The following CRY1 variants were observed in gnomAD, a reference collection of about 807,000 sequenced individuals.
CRY1 encodes cryptochrome-1.
In CRY1, 45 loss-of-function variants were observed where a neutral mutation model predicts 76.0. That is an observed-to-expected ratio of 0.59 (90% confidence interval 0.47 to 0.76). The LOEUF is 0.76. CRY1 is among the 30% of genes least tolerant of loss of function. The probability of loss-of-function intolerance (pLI) is 0.00; values close to 1 mark genes in which losing one functional copy is unlikely to be tolerated. For missense variants in CRY1, 587 were observed against 716.4 expected, an observed-to-expected ratio of 0.82 and a Z score of 2.06; for synonymous variants, 248 against 244.0, an observed-to-expected ratio of 1.02 and a Z score of -0.15.
At chr12:107,069,743 GTATATA>G (rs911017445) in intron 1 of CRY1, among the ~76,000 whole-genome samples, 3 of 144,348 alleles carry the variant, frequency 2.1e-5, no homozygotes, top group Non-Finnish European at 4.5e-5. Context: ...TATATATTAA[GTATATA>G]TATAAAGTAT....
rs774316934 is a variant in CRY1, at chr12:106,999,992, A to C, written c.775T>G (p.Cys259Gly). The C allele has an allele frequency of 1.9e-6, 3 of 1,613,134 alleles. No individual in the cohort carries two copies. The highest frequency in any genetic ancestry group is 1.1e-5 in the South Asian group (1 of 90,558). The change falls in exon 6 of 13, where the codon TGT becomes GGT. Residue 259 changes from cysteine to glycine, a missense_variant. By Grantham distance (159) the Cys-to-Gly change is radical (BLOSUM62 -3). Transcript: ENST00000008527. ...AAGTAAAACAGTCGACATGACAAAC[A>C]ACCAAATCGGAGATAAGGACTAAGT... ...TGLSPYLRFGCLSCRLFYFKL... is the reference protein window; with the variant it reads ...TGLSPYLRFGGLSCRLFYFKL...
intron 1 of CRY1, among the ~76,000 whole-genome samples, chr12:107,092,551 G>T (rs1953484413): frequency 6.6e-6 from 1 of 152,196 alleles, no homozygotes; most frequent in Admixed American, 6.5e-5. Context: ...CACAAATTCA[G>T]GGGAGGAGCT....
At chr12:107,060,544 A>C (rs1412985051) in intron 1 of CRY1, among the ~76,000 whole-genome samples, 1 of 152,238 alleles carries the variant, frequency 6.6e-6, no homozygotes. Flanking sequence ...CAACAGACTA[A>C]GATAGTATTA....
At chr12:107,035,860 C>T (rs1004119467) in intron 1 of CRY1, among the ~76,000 whole-genome samples, 1 of 152,236 alleles carries the variant, frequency 6.6e-6, no homozygotes, top group Non-Finnish European at 1.5e-5. Context: ...CTTCCAATCT[C>T]ATTTAATTCC....
chr12:107,011,342 T>C (rs1472804314), intron 2 of CRY1, among the ~76,000 whole-genome samples: 1 of 143,780 alleles, frequency 7.0e-6, no homozygotes, highest in Non-Finnish European at 1.5e-5. Context: ...AGGGCAAGAC[T>C]CTGTCTCAAA....
intron 2 of CRY1, among the ~76,000 whole-genome samples, chr12:107,013,669 G>C (rs1031819927): frequency 6.6e-6 from 1 of 152,126 alleles, no homozygotes; most frequent in African/African-American, 2.4e-5. Flanking sequence ...ACTTCAGTAT[G>C]GTAGGTAGTA....
intron 1 of CRY1, among the ~76,000 whole-genome samples, chr12:107,080,107 C>G (rs1953304502): frequency 6.6e-6 from 1 of 152,046 alleles, no homozygotes; most frequent in African/African-American, 2.4e-5. Context: ...TCCCTGAGGG[C>G]AGAGAAATTA....
intron 1 of CRY1, among the ~76,000 whole-genome samples, chr12:107,048,913 A>AT (rs1952881938): frequency 6.6e-6 from 1 of 152,040 alleles, no homozygotes; most frequent in Non-Finnish European, 1.5e-5. Context: ...GGTTTCAGTC[A>AT]TTTTTTGTCT....
chr12:106,997,252 C>G (rs767130736), intron 10 of CRY1, 42 bp downstream of exon 10: 3 of 1,476,196 alleles, frequency 2.0e-6, no homozygotes, highest in Non-Finnish European at 2.8e-6. Context: ...TGTTTAATAA[C>G]CTCTTCATGT....
intron 2 of CRY1, among the ~76,000 whole-genome samples, chr12:107,007,326 C>T (rs1292540654): frequency 6.6e-6 from 1 of 152,060 alleles, no homozygotes; most frequent in Admixed American, 6.6e-5. Flanking sequence ...GTTTCCTAGT[C>T]TATAAAATGG....
chr12:107,091,904 A>G (rs953876769), intron 1 of CRY1, among the ~76,000 whole-genome samples: 12 of 152,182 alleles, frequency 7.9e-5, no homozygotes, highest in African/African-American at 2.7e-4. Flanking sequence ...GATCATACTT[A>G]AAATTGCAAC....
chr12:107,072,208 C>G (rs181201793), intron 1 of CRY1, among the ~76,000 whole-genome samples: 1 of 152,298 alleles, frequency 6.6e-6, no homozygotes, highest in Non-Finnish European at 1.5e-5. Flanking sequence ...TTTTTTATGA[C>G]TACTCAGTGC....
At position 107,052,918 on chromosome 12, in the gene CRY1, G is replaced by C. The variant is rs989653758; in HGVS notation, c.159-30726C>G. On this transcript the variant is annotated intron_variant, in intron 1 of 12. Coordinates refer to ENST00000008527, the MANE Select transcript of CRY1 (RefSeq NM_004075.5). ...TTACTCTGAGATATAAGCCACTAGA[G>C]ATTGATCCTACTTGTGATTATGAAG... Among the ~76,000 whole-genome samples, 4 of 152,222 alleles carry C rather than the reference G, an allele frequency of 2.6e-5. No individual in the cohort carries two copies. In the East Asian group the frequency reaches 7.7e-4, roughly 29 times the overall value.
intron 1 of CRY1, among the ~76,000 whole-genome samples, chr12:107,048,454 T>C (rs916134288): frequency 5.9e-5 from 9 of 152,208 alleles, no homozygotes; most frequent in Non-Finnish European, 1.2e-4. Flanking sequence ...TATTTCTATA[T>C]AGAATCATTT....
intron 1 of CRY1, among the ~76,000 whole-genome samples, chr12:107,039,491 G>T (rs955008322): frequency 6.6e-6 from 1 of 152,064 alleles, no homozygotes; most frequent in Non-Finnish European, 1.5e-5. Flanking sequence ...AAAACAACCC[G>T]TTAAAAAATG....
intron 2 of CRY1, among the ~76,000 whole-genome samples, chr12:107,006,495 C>T (rs1952376039): frequency 6.6e-6 from 1 of 152,056 alleles, no homozygotes; most frequent in Non-Finnish European, 1.5e-5. Flanking sequence ...TGAAAAACAA[C>T]TGATGGATCA....
intron 1 of CRY1, among the ~76,000 whole-genome samples, chr12:107,035,523 T>C (rs1952724363): frequency 1.3e-5 from 2 of 152,192 alleles, no homozygotes; most frequent in African/African-American, 2.4e-5. Context: ...ATGTTTATAC[T>C]CAATAACCCT....
Position 107,079,607 on chromosome 12 carries a change from C to T in CRY1, c.158+13197G>A, listed in dbSNP as rs926829130. 2.6e-5 allele frequency among the ~76,000 whole-genome samples: 4 copies of T among 152,146 alleles called. No individual in the cohort carries two copies. In the South Asian group the frequency reaches 8.3e-4, roughly 31 times the overall value. On this transcript the variant is annotated intron_variant, in intron 1 of 12. Coordinates refer to ENST00000008527, the MANE Select transcript of CRY1 (RefSeq NM_004075.5). ...CATGCACCACATGACTCAGCTACATCAGCCTCCTCACCACTATCAGAATAC... is the reference window on the plus strand; with the variant it reads ...CATGCACCACATGACTCAGCTACATTAGCCTCCTCACCACTATCAGAATAC...
chr12:107,066,390 T>C (rs565862375), intron 1 of CRY1, among the ~76,000 whole-genome samples: 15 of 152,350 alleles, frequency 9.8e-5, no homozygotes, highest in African/African-American at 2.9e-4. Flanking sequence ...TAAATGTACA[T>C]AGAGAGACCC....
Sources: allele counts gnomAD v4.1 joint callset (sites outside exome capture counted in the v4.1 genomes callset), GRCh38; gene constraint gnomAD v4.1.1; transcripts MANE v1.5; gene names NCBI Gene and HGNC (gene_info 2026-07-23, HGNC 2026-07-21).